The following GAPVD1 variants were observed in gnomAD, a reference collection of about 807,000 sequenced individuals.
GAPVD1 encodes GTPase-activating protein and VPS9 domain-containing protein 1.
GAPVD1 carries 35 observed loss-of-function variants against 155.5 expected under a neutral mutation model. The observed-to-expected ratio is 0.23, with a 90% CI of 0.17 to 0.30. The LOEUF is 0.30. GAPVD1 is among the 10% of genes least tolerant of loss of function. The pLI is 1.00. For synonymous variants in GAPVD1, 636 were observed against 619.7 expected, an observed-to-expected ratio of 1.03 and a Z score of -0.39; for missense variants, 1,429 against 1,775.7, an observed-to-expected ratio of 0.80 and a Z score of 3.51.
intron 1 of GAPVD1, among the ~76,000 whole-genome samples, chr9:125,262,874 A>G (rs568705860): frequency 3.9e-5 from 6 of 152,292 alleles, no homozygotes; most frequent in African/African-American, 1.4e-4. Flanking sequence ...AGCAGCGCCT[A>G]TGACTTTGTG....
rs1486736192 is a variant in GAPVD1, at chr9:125,349,259, T to C, written c.3170-131T>C. 2.6e-5 allele frequency: 19 copies of C among 740,796 alleles called. No homozygotes were observed. The East Asian group carries it at 4.6e-4, about 18-fold the overall frequency. 45.9% of individuals were successfully genotyped at this position (740,796 alleles called of 1,614,324 possible). ...AAGTATTTGAAGTTTGTTTTTTCTTTCTTTTTTTTCCAGAGAACTCTTATT... is the reference window on the plus strand; with the variant it reads ...AAGTATTTGAAGTTTGTTTTTTCTTCCTTTTTTTTCCAGAGAACTCTTATT... On this transcript the variant is annotated intron_variant, in intron 20 of 27. Transcript: ENST00000297933.
chr9:125,347,019 T>C, intron 20 of GAPVD1, 78 bp downstream of exon 20: 1 of 1,442,532 alleles, frequency 6.9e-7, no homozygotes, highest in Non-Finnish European at 9.6e-7. Flanking sequence ...AAGTGGCCTT[T>C]AAAAGAAAGA....
intron 2 of GAPVD1, among the ~76,000 whole-genome samples, chr9:125,269,814 T>A (rs925452258): frequency 6.8e-6 from 1 of 147,996 alleles, no homozygotes; most frequent in Admixed American, 6.9e-5. Context: ...GCCTTCCAGG[T>A]TCAAGTGATT....
intron 13 of GAPVD1, 28 bp from the exon 14 acceptor site, chr9:125,331,898 T>C (rs1430182599): frequency 5.6e-6 from 9 of 1,611,374 alleles, no homozygotes; most frequent in Non-Finnish European, 6.8e-6. Context: ...GAATCACAAA[T>C]GTAACATACC....
At chr9:125,275,674 G>A (rs975542118) in intron 2 of GAPVD1, among the ~76,000 whole-genome samples, 1 of 152,140 alleles carries the variant, frequency 6.6e-6, no homozygotes, top group Non-Finnish European at 1.5e-5. Flanking sequence ...ACGATCACCT[G>A]AACCCGAGGA....
chr9:125,278,835 G>GA (rs5900648), intron 2 of GAPVD1, among the ~76,000 whole-genome samples: 91 of 143,026 alleles, frequency 6.4e-4, no homozygotes, highest in Non-Finnish European at 7.4e-4. Flanking sequence ...ATGCTGTCTG[G>GA]AAAAAAAAAA....
intron 23 of GAPVD1, 74 bp downstream of exon 23, chr9:125,350,946 A>G: frequency 8.4e-7 from 1 of 1,196,108 alleles, no homozygotes; most frequent in Non-Finnish European, 1.2e-6. Context: ...TCCTTATTTC[A>G]GAAATGAATC....
At chr9:125,334,639 C>T (rs575124815) in intron 15 of GAPVD1, among the ~76,000 whole-genome samples, 1 of 152,202 alleles carries the variant, frequency 6.6e-6, no homozygotes, top group Admixed American at 6.5e-5. Flanking sequence ...TTGGCTCACA[C>T]CTGTGATCCC....
intron 25 of GAPVD1, 139 bp from the exon 26 acceptor site, chr9:125,359,281 C>G: frequency 1.5e-6 from 1 of 664,302 alleles, no homozygotes; most frequent in East Asian, 2.6e-5. Context: ...AGAGGCTCAA[C>G]TCTAACTGTA....
chr9:125,335,747 G>A (rs1398904323), intron 15 of GAPVD1, among the ~76,000 whole-genome samples: 1 of 151,684 alleles, frequency 6.6e-6, no homozygotes, highest in African/African-American at 2.4e-5. Flanking sequence ...CCATTTAATG[G>A]GTATATTTAA....
At chr9:125,355,510 C>A in intron 24 of GAPVD1, 134 bp from the exon 25 acceptor site, 1 of 605,090 alleles carries the variant, frequency 1.7e-6, no homozygotes. Context: ...AAATAAACTA[C>A]ACTGAAACAC....
At chr9:125,273,848 G>C (rs359595) in intron 2 of GAPVD1, among the ~76,000 whole-genome samples, 1,730 of 151,778 alleles carry the variant, frequency 0.011, 29 homozygotes, top group African/African-American at 0.04. Context: ...CTTCTTTTGC[G>C]TATTCACTTC....
rs565452851 is a variant in GAPVD1, at chr9:125,329,638, T to G, written c.2033-440T>G. On this transcript the variant is annotated intron_variant, in intron 12 of 27. Transcript: ENST00000297933. Reference sequence around the variant, plus strand: ...TAGGTAGAGAGGAATTTGGTGGTTTTTTTTTTTTTTTTGAGACAAAGTCCC... The same window carrying G: ...TAGGTAGAGAGGAATTTGGTGGTTTGTTTTTTTTTTTTGAGACAAAGTCCC... 8.6e-5 allele frequency among the ~76,000 whole-genome samples: 13 copies of G among 150,506 alleles called. No individual in the cohort carries two copies. In the South Asian group the frequency reaches 1.0e-3, roughly 12 times the overall value.
intron 10 of GAPVD1, 129 bp from the exon 11 acceptor site, chr9:125,323,668 GT>G: frequency 4.8e-6 from 4 of 838,936 alleles, no homozygotes; most frequent in South Asian, 3.2e-5. Context: ...AAGGGCATGT[GT>G]TTTTTTAAGG....
At chr9:125,306,599 C>A (rs966545248) in intron 6 of GAPVD1, among the ~76,000 whole-genome samples, 6 of 151,968 alleles carry the variant, frequency 3.9e-5, no homozygotes, top group African/African-American at 1.5e-4. Flanking sequence ...CGCAAGCAGT[C>A]CTCCCACCTC....
intron 2 of GAPVD1, among the ~76,000 whole-genome samples, chr9:125,281,972 C>T (rs967389717): frequency 7.2e-5 from 11 of 152,072 alleles, no homozygotes; most frequent in African/African-American, 9.6e-5. Context: ...AGGCACCTGC[C>T]GCTACACCTG....
At chr9:125,319,279 C>T (rs528333937) in intron 9 of GAPVD1, among the ~76,000 whole-genome samples, 130 of 151,856 alleles carry the variant, frequency 8.6e-4, no homozygotes, top group Non-Finnish European at 1.5e-3. Context: ...GAGGCTAAAA[C>T]AGGAGGATTG....
Position 125,307,741 on chromosome 9 carries a change from A to G in GAPVD1, c.1302A>G (p.Arg434=). The G allele has an allele frequency of 1.2e-6, 2 of 1,614,098 alleles. No homozygotes were observed. Among genetic ancestry groups the G allele is most frequent in the South Asian group, 2.2e-5 (2 of 91,078 alleles). The change falls in exon 8 of 28, where the codon AGA becomes AGG. Residue 434 remains arginine, a synonymous_variant. Coordinates refer to ENST00000297933, the MANE Select transcript of GAPVD1 (RefSeq NM_001282680.3). Reference sequence around the variant, plus strand: ...CTGGAGATCAACTGAGAGAAGATAGAATGGCTCTTGACAATTTATTGGCAA... The same window carrying G: ...CTGGAGATCAACTGAGAGAAGATAGGATGGCTCTTGACAATTTATTGGCAA... The part of the protein sequence containing the change: ...VMSGDQLRED[R]MALDNLLANL...
intron 5 of GAPVD1, 26 bp downstream of exon 5, chr9:125,302,852 G>A (rs768005190): frequency 1.5e-5 from 24 of 1,550,702 alleles, no homozygotes; most frequent in East Asian, 2.3e-5. Context: ...TATTATTAAC[G>A]TGGCATTTAG....
Sources: allele counts gnomAD v4.1 joint callset (sites outside exome capture counted in the v4.1 genomes callset), GRCh38; gene constraint gnomAD v4.1.1; transcripts MANE v1.5; gene names NCBI Gene and HGNC (gene_info 2026-07-23, HGNC 2026-07-21).